Variants in GNA12 observed in about 807,000 individuals in gnomAD.
GNA12 encodes guanine nucleotide-binding protein subunit alpha-12.
In GNA12, 9 loss-of-function variants were observed where a neutral mutation model predicts 26.0. That is an observed-to-expected ratio of 0.35 (90% CI 0.21 to 0.60). The LOEUF (loss-of-function observed/expected upper bound fraction) is 0.60, where lower values mean the gene tolerates loss of function less well. Among genes scored for constraint, GNA12 ranks in the 20% least tolerant of loss-of-function variants. The pLI is 0.78. For missense variants in GNA12, 405 were observed against 525.8 expected, an observed-to-expected ratio of 0.77 and a Z score of 2.25; for synonymous variants, 264 against 219.6, an observed-to-expected ratio of 1.20 and a Z score of -1.79.
At chr7:2,843,284 C>A (rs954618742) in intron 1 of GNA12, among the ~76,000 whole-genome samples, 3 of 152,132 alleles carry the variant, frequency 2.0e-5, no homozygotes, top group Non-Finnish European at 2.9e-5. Flanking sequence ...AAGTGCCAAG[C>A]CCCCACTCCC....
rs749682380 is a variant in GNA12 at position 2,731,252 on chromosome 7, C to T, written c.1075G>A (p.Val359Ile). 23 of 1,613,660 alleles carry T rather than the reference C, an allele frequency of 1.4e-5. No individual in the cohort carries two copies. The highest frequency in any genetic ancestry group is 5.0e-5 in the Admixed American group (3 of 59,974). ...HFTTAIDTENVRFVFHAVKDT... is the reference protein window; with the variant it reads ...HFTTAIDTENIRFVFHAVKDT... ...TTCACAGCATGGAACACGAAGCGGA[C>T]GTTCTCGGTGTCGATGGCGGTGGTG... Residue 359 changes from valine to isoleucine, a missense_variant, in exon 4 of 4, where the codon GTC (valine) becomes ATC (isoleucine). Coordinates refer to ENST00000275364, the MANE Select transcript of GNA12 (RefSeq NM_007353.3). This position sits in a 1 kb window ranked among gnomAD's most constrained non-coding sequence, Gnocchi z 6.0.
chr7:2,843,150 C>T (rs1412602662), intron 1 of GNA12, among the ~76,000 whole-genome samples: 1 of 152,032 alleles, frequency 6.6e-6, no homozygotes, highest in Non-Finnish European at 1.5e-5. Flanking sequence ...GGTTCCCGTC[C>T]AGTCTCCACT....
intron 2 of GNA12, among the ~76,000 whole-genome samples, chr7:2,779,618 A>G (rs1185492438): frequency 6.6e-6 from 1 of 152,164 alleles, no homozygotes. Flanking sequence ...AACTTTTTTA[A>G]GACAGAGTCT....
At chr7:2,762,914 C>T (rs1791635267) in intron 2 of GNA12, 7 of 1,415,896 alleles carry the variant, frequency 4.9e-6, no homozygotes, top group Non-Finnish European at 6.5e-6. Context: ...GAGAAGAGGC[C>T]ACAGGCGGGG....
At chr7:2,808,055 G>A (rs779270970) in intron 1 of GNA12, among the ~76,000 whole-genome samples, 13 of 152,232 alleles carry the variant, frequency 8.5e-5, no homozygotes, top group Non-Finnish European at 1.6e-4. Flanking sequence ...TGCTCTGCAG[G>A]CATCCATCTT....
chr7:2,835,736 A>G lies in GNA12; in HGVS notation c.309+8117T>C, dbSNP rs1158224317. ...AGTAGAATCACAGAGCTGAAGGAAG[A>G]AATAGAAGTAAAACAGAAACAACTC... On this transcript the variant is annotated intron_variant, in intron 1 of 3. Transcript: ENST00000275364. 3.3e-6 allele frequency: 3 copies of G among 897,148 alleles called. No individual in the cohort carries two copies. The African/African-American group carries it at 4.9e-5, about 15-fold the overall frequency. 55.6% of individuals were successfully genotyped at this position (897,148 alleles called of 1,614,324 possible).
intron 1 of GNA12, among the ~76,000 whole-genome samples, chr7:2,798,359 C>T (rs939692706): frequency 6.6e-6 from 1 of 152,054 alleles, no homozygotes; most frequent in Admixed American, 6.5e-5. Flanking sequence ...TGTCAACACA[C>T]GAAATTCAAT....
rs184104702 is a variant in GNA12 at position 2,839,604 on chromosome 7, G to A, written c.309+4249C>T. Reference sequence around the variant, plus strand: ...TCACCATATTGCCCAGGTTGGTCTTGAACTCCTGGGTTCAAGCAATCTGCC... The same window carrying A: ...TCACCATATTGCCCAGGTTGGTCTTAAACTCCTGGGTTCAAGCAATCTGCC... On this transcript the variant is annotated intron_variant, in intron 1 of 3. Coordinates refer to ENST00000275364, the MANE Select transcript of GNA12 (RefSeq NM_007353.3). 9.9e-5 allele frequency among the ~76,000 whole-genome samples: 15 copies of A among 152,242 alleles called. 1 individual carries two copies. The highest frequency in any genetic ancestry group is 3.1e-4 in the African/African-American group (13 of 41,526).
At chr7:2,815,273 G>A (rs780700226) in intron 1 of GNA12, 20 of 230,704 alleles carry the variant, frequency 8.7e-5, no homozygotes, top group Non-Finnish European at 1.4e-4. Flanking sequence ...GGCTGTTGGG[G>A]AAGGCGGCTC....
intron 2 of GNA12, among the ~76,000 whole-genome samples, chr7:2,777,801 A>G (rs917664779): frequency 3.9e-5 from 6 of 152,246 alleles, no homozygotes; most frequent in Non-Finnish European, 8.8e-5. Context: ...GACAGAAAAC[A>G]TGATGAAAAT....
In GNA12 at chr7:2,843,842, G is replaced by A. The variant is rs369395993; in HGVS notation, c.309+11C>T. On this transcript the variant is annotated intron_variant, in intron 1 of 3. Transcript: ENST00000275364. Reference sequence around the variant, plus strand: ...CCTGGGTGCAGGTGCTGGGCGGGGGGCGCGCGTCACCTTGAGGATGTTGTC... The same window carrying A: ...CCTGGGTGCAGGTGCTGGGCGGGGGACGCGCGTCACCTTGAGGATGTTGTC... 9 of 1,446,524 alleles carry A rather than the reference G, an allele frequency of 6.2e-6. No individual in the cohort carries two copies. In the African/African-American group the frequency reaches 8.8e-5, roughly 14 times the overall value. The allele number at this position is 1,446,524 out of a possible 1,614,324, so 89.6% of individuals were successfully genotyped here. A position where few individuals can be genotyped will look rare whatever the true frequency, so the allele number is the denominator to read the frequency against.
chr7:2,764,770 G>A (rs1029123233), intron 2 of GNA12: 1 of 152,238 alleles, frequency 6.6e-6, no homozygotes, highest in Non-Finnish European at 1.5e-5. Context: ...AGCATCTGAA[G>A]TCCCTCTCAT....
At chr7:2,762,757 G>A (rs1205736466) in intron 2 of GNA12, 4 of 1,550,574 alleles carry the variant, frequency 2.6e-6, no homozygotes, top group South Asian at 1.2e-5. Context: ...AGTGCACCAG[G>A]CCCGTCCTTT....
At chr7:2,747,439 G>A (rs1453353747) in intron 2 of GNA12, among the ~76,000 whole-genome samples, 1 of 152,210 alleles carries the variant, frequency 6.6e-6, no homozygotes, top group Non-Finnish European at 1.5e-5. Context: ...TATCTCAGTA[G>A]ATGCAGAAAA....
rs750147276 is a variant in GNA12 at position 2,805,492 on chromosome 7, C to T, written c.310-10349G>A. Among the ~76,000 whole-genome samples, 4 of 152,128 alleles carry T rather than the reference C, an allele frequency of 2.6e-5. No individual in the cohort carries two copies. In the East Asian group the frequency reaches 5.8e-4, roughly 22 times the overall value. ...AATCAAAGCTCACTGCAGCCTTGACCGCGCGGGCTCAAGCTAGAGATTTTT... is the reference window on the plus strand; with the variant it reads ...AATCAAAGCTCACTGCAGCCTTGACTGCGCGGGCTCAAGCTAGAGATTTTT... On this transcript the variant is annotated intron_variant, in intron 1 of 3. Coordinates refer to ENST00000275364, the MANE Select transcript of GNA12 (RefSeq NM_007353.3).
intron 1 of GNA12, among the ~76,000 whole-genome samples, chr7:2,805,383 C>T (rs1254221638): frequency 6.6e-6 from 1 of 152,188 alleles, no homozygotes; most frequent in African/African-American, 2.4e-5. Context: ...TCAAGCCTGA[C>T]CGATTTAGTT....
At chr7:2,823,257 C>T (rs2266925) in intron 1 of GNA12, among the ~76,000 whole-genome samples, 39,315 of 151,972 alleles carry the variant, frequency 0.26, 5,506 homozygotes, top group East Asian at 0.56. Context: ...CCAAGGGACC[C>T]CGCCTTCCCC....
In GNA12 at chr7:2,730,928, G is replaced by A. The variant is rs565946656; in HGVS notation, c.*253C>T. ...AGCAAGCTGTGTGATTAGGTGTTCCGTATTCACAACATCATCACTCGGATT... is the reference window on the plus strand; with the variant it reads ...AGCAAGCTGTGTGATTAGGTGTTCCATATTCACAACATCATCACTCGGATT... On this transcript the variant is annotated 3_prime_UTR_variant, in exon 4 of 4. Coordinates refer to ENST00000275364, the MANE Select transcript of GNA12 (RefSeq NM_007353.3). The A allele has an allele frequency of 6.4e-5, 31 of 481,878 alleles. No homozygotes were observed. The highest frequency in any genetic ancestry group is 4.4e-4 in the African/African-American group (23 of 52,252). 29.9% of individuals were successfully genotyped at this position (481,878 alleles called of 1,614,324 possible).
intron 1 of GNA12, among the ~76,000 whole-genome samples, chr7:2,802,892 A>G (rs1792846765): frequency 6.6e-6 from 1 of 152,248 alleles, no homozygotes; most frequent in African/African-American, 2.4e-5. Flanking sequence ...GGAGGCAGTA[A>G]GCCGTCAAAC....
Sources: gnomAD v4.1 joint callset for allele counts (sites outside exome capture counted in the v4.1 genomes callset) on GRCh38, gnomAD v4.1.1 for gene constraint, Gnocchi (gnomAD v3.1) non-coding constraint, MANE v1.5 for transcripts, NCBI Gene and HGNC (gene_info 2026-07-23, HGNC 2026-07-21) for gene names.